Variants in MN1 observed in about 807,000 individuals in gnomAD.
MN1 encodes transcriptional activator MN1.
MN1 carries 19 observed loss-of-function variants against 86.9 expected under a neutral mutation model. The observed-to-expected ratio is 0.22, with a 90% CI of 0.15 to 0.32. MN1 has a LOEUF of 0.32. MN1 is among the 10% of genes least tolerant of loss of function. The pLI, the probability that MN1 is intolerant of heterozygous loss-of-function variation, is 1.00. For missense variants in MN1, 1,841 were observed against 1,862.0 expected, an observed-to-expected ratio of 0.99 and a Z score of 0.21; for synonymous variants, 928 against 849.6, an observed-to-expected ratio of 1.09 and a Z score of -1.60.
intron 1 of MN1, among the ~76,000 whole-genome samples, chr22:27,752,468 CTTT>C (rs1358204907): frequency 6.6e-6 from 1 of 152,162 alleles, no homozygotes; most frequent in South Asian, 2.1e-4. Context: ...CCTGAACCCT[CTTT>C]TCATTGAGTC....
At chr22:27,795,771 AT>A (rs1933283901) in intron 1 of MN1, among the ~76,000 whole-genome samples, 1 of 152,096 alleles carries the variant, frequency 6.6e-6, no homozygotes, top group Non-Finnish European at 1.5e-5. Context: ...TTAAACCTCC[AT>A]TCAGATAAAA....
chr22:27,770,729 G>A (rs889540489), intron 1 of MN1, among the ~76,000 whole-genome samples: 9 of 143,722 alleles, frequency 6.3e-5, no homozygotes, highest in African/African-American at 2.3e-4. Flanking sequence ...CGCAATCACA[G>A]CTTACTCTAG....
rs371377096 is a variant in MN1 at position 27,799,195 on chromosome 22, T to A, written c.1349A>T (p.Tyr450Phe). Residue 450 changes from tyrosine (Y) to phenylalanine (F), a missense_variant, in exon 1 of 2, where the codon TAC becomes TTC. Physicochemically the swap from Tyr to Phe is conservative, Grantham distance 22. Coordinates refer to ENST00000302326, the MANE Select transcript of MN1 (RefSeq NM_002430.3). ...QRLQHFDAPP[Y>F]MNVAKRPRFD... ...GCGCGGCCTCTTGGCCACGTTCATG[T>A]AGGGGGGCGCGTCGAAATGCTGCAG... 13 of 1,605,360 alleles carry A rather than the reference T, an allele frequency of 8.1e-6. No homozygotes were observed. In the African/African-American group the frequency reaches 1.7e-4, roughly 21 times the overall value.
At chr22:27,778,572 G>A (rs1376975124) in intron 1 of MN1, among the ~76,000 whole-genome samples, 1 of 152,228 alleles carries the variant, frequency 6.6e-6, no homozygotes, top group Non-Finnish European at 1.5e-5. Flanking sequence ...TGGGCGGAGT[G>A]CTTTTCATTA....
chr22:27,760,906 G>A (rs143268966), intron 1 of MN1, among the ~76,000 whole-genome samples: 16 of 152,268 alleles, frequency 1.1e-4, no homozygotes, highest in Admixed American at 2.6e-4. Flanking sequence ...AGGCTCAGTC[G>A]GTCACAGTGA....
intron 1 of MN1, among the ~76,000 whole-genome samples, chr22:27,776,302 G>C (rs1016983102): frequency 6.6e-6 from 1 of 152,150 alleles, no homozygotes. Context: ...TCGAGGACGC[G>C]CTGTAGTTAA....
In MN1 at chr22:27,801,229, G is replaced by A. The variant is rs938164107; in HGVS notation, c.-686C>T. Reference sequence around the variant, plus strand: ...GGCTCCGCTCGGCATCGCCGGTGCCGGCCCCCGAGCCGAGGACGCAGAGGG... The same window carrying A: ...GGCTCCGCTCGGCATCGCCGGTGCCAGCCCCCGAGCCGAGGACGCAGAGGG... On this transcript the variant is annotated 5_prime_UTR_variant, in exon 1 of 2. Transcript: ENST00000302326. The A allele has an allele frequency of 7.2e-5, 16 of 222,270 alleles. No individual in the cohort carries two copies. The highest frequency in any genetic ancestry group is 4.4e-4 in the East Asian group (7 of 15,786). 13.8% of individuals were successfully genotyped at this position (222,270 alleles called of 1,614,324 possible). A position where few individuals can be genotyped will look rare whatever the true frequency, so the allele number is the denominator to read the frequency against.
rs1277301738 is a variant in MN1 at position 27,801,729 on chromosome 22, C to G, written c.-1186G>C. 6.6e-6 allele frequency among the ~76,000 whole-genome samples: 1 copy of G among 152,218 alleles called. No individual in the cohort carries two copies. Among genetic ancestry groups the G allele is most frequent in the Non-Finnish European group, 1.5e-5 (1 of 68,034 alleles). The stretch of plus-strand genomic sequence containing the variant: ...TCGGCTCCCCTCTCTGTGTCTGCCT[C>G]TCGCCCAGCGCCGGGAGAAGCAGCA... On this transcript the variant is annotated 5_prime_UTR_variant, in exon 1 of 2. Coordinates refer to ENST00000302326, the MANE Select transcript of MN1 (RefSeq NM_002430.3).
chr22:27,798,561 G>C lies in MN1; in HGVS notation c.1983C>G (p.Pro661=), dbSNP rs754541900. 596 of 1,527,258 alleles carry C rather than the reference G, an allele frequency of 3.9e-4. No individual in the cohort carries two copies. The highest frequency in any genetic ancestry group is 4.8e-4 in the Non-Finnish European group (552 of 1,147,324). The allele number at this position is 1,527,258 out of a possible 1,614,324, so 94.6% of individuals were successfully genotyped here. ...GLPADCGPHD[P]SLAPPPPPGG... is the part of the protein sequence containing the mutation. Reference sequence around the variant, plus strand: ...CAGGCGGAGGAGGGGGCGCCAGGCTGGGGTCGTGCGGGCCACAGTCAGCGG... The same window carrying C: ...CAGGCGGAGGAGGGGGCGCCAGGCTCGGGTCGTGCGGGCCACAGTCAGCGG... Residue 661 remains proline (P), a synonymous_variant, in exon 1 of 2, where the codon CCC becomes CCG. Coordinates refer to ENST00000302326, the MANE Select transcript of MN1 (RefSeq NM_002430.3).
At chr22:27,756,445 G>A (rs935640763) in intron 1 of MN1, among the ~76,000 whole-genome samples, 3 of 152,138 alleles carry the variant, frequency 2.0e-5, no homozygotes, top group East Asian at 3.9e-4. Flanking sequence ...TCCCAGCCAC[G>A]GTTCCACCAC....
In MN1 at chr22:27,799,269, A is replaced by G; in HGVS notation, c.1275T>C (p.Pro425=). Residue 425 remains proline, a synonymous_variant, in exon 1 of 2, where the codon CCT becomes CCC. Coordinates refer to ENST00000302326, the MANE Select transcript of MN1 (RefSeq NM_002430.3). The part of the protein sequence containing the change: ...ENRSMHPYSE[P]VFSMQHPPPQ... The stretch of plus-strand genomic sequence containing the variant: ...GAGGAGGATGCTGCATGCTGAAAAC[A>G]GGCTCGGAATAAGGGTGCATGCTCC... 1 of 1,582,566 alleles carries G rather than the reference A, an allele frequency of 6.3e-7. No homozygotes were observed. Among genetic ancestry groups the G allele is most frequent in the Non-Finnish European group, 8.6e-7 (1 of 1,163,008 alleles).
In MN1 at chr22:27,798,462, C is replaced by T. The variant is rs1933351214; in HGVS notation, c.2082G>A (p.Ala694=). Residue 694 remains alanine (A), a synonymous_variant, in exon 1 of 2, where the codon GCG becomes GCA. Coordinates refer to ENST00000302326, the MANE Select transcript of MN1 (RefSeq NM_002430.3). ...MRMPGEGHVP[A]LPSPGLQFGG... Reference sequence around the variant, plus strand: ...CGAACTGCAGGCCCGGTGAAGGCAGCGCGGGCACGTGGCCCTCTCCGGGCA... The same window carrying T: ...CGAACTGCAGGCCCGGTGAAGGCAGTGCGGGCACGTGGCCCTCTCCGGGCA... The T allele has an allele frequency of 6.4e-7, 1 of 1,564,984 alleles. No homozygotes were observed. Among genetic ancestry groups the T allele is most frequent in the Non-Finnish European group, 8.6e-7 (1 of 1,164,912 alleles).
At chr22:27,794,551 C>T (rs1169624531) in intron 1 of MN1, among the ~76,000 whole-genome samples, 2 of 152,192 alleles carry the variant, frequency 1.3e-5, no homozygotes, top group African/African-American at 4.8e-5. Flanking sequence ...CCTAAAGTGA[C>T]TAGCATCTGT....
chr22:27,799,456 G>GGCGGCGGCTGCTGCT lies in MN1; in HGVS notation c.1073_1087dup (p.Gln358_Pro362dup), dbSNP rs1933388014. The GGCGGCGGCTGCTGCT allele has an allele frequency of 6.9e-7, 1 of 1,454,134 alleles. No homozygotes were observed. The highest frequency in any genetic ancestry group is 9.0e-7 in the Non-Finnish European group (1 of 1,105,426). The allele number at this position is 1,454,134 out of a possible 1,614,324, so 90.1% of individuals were successfully genotyped here. On this transcript the variant is annotated inframe_insertion, in exon 1 of 2. Coordinates refer to ENST00000302326, the MANE Select transcript of MN1 (RefSeq NM_002430.3). ...TTGTCGGACTAGAAGCCCGGGTGGCGGCGGCGGCTGCTGCTGTGGCGGCTG... is the reference window on the plus strand; with the variant it reads ...TTGTCGGACTAGAAGCCCGGGTGGCGGCGGCGGCTGCTGCTGCGGCGGCTGCTGCTGTGGCGGCTG...
At chr22:27,777,773 G>A (rs1281080336) in intron 1 of MN1, among the ~76,000 whole-genome samples, 9 of 151,870 alleles carry the variant, frequency 5.9e-5, no homozygotes, top group Non-Finnish European at 1.3e-4. Flanking sequence ...CTACCAGGGA[G>A]GCTGAGGCAA....
chr22:27,773,511 C>T (rs372418), intron 1 of MN1, among the ~76,000 whole-genome samples: 53,327 of 152,152 alleles, frequency 0.35, 9,558 homozygotes, highest in South Asian at 0.49. Context: ...ACGTGCTCGC[C>T]GCACTTAGTC....
chr22:27,798,284 G>T lies in MN1; in HGVS notation c.2260C>A (p.Gln754Lys). 1 of 1,526,504 alleles carries T rather than the reference G, an allele frequency of 6.6e-7. No homozygotes were observed. 94.6% of individuals were successfully genotyped at this position (1,526,504 alleles called of 1,614,324 possible). ...CCTGGACCGCTGTGCGGCGTGGACT[G>T]CCGGCCGGCTGCACCAAACGGAAAG... ...PGFPFGAAGRQSTPHSGPGVN... is the reference protein window; with the variant it reads ...PGFPFGAAGRKSTPHSGPGVN... The change falls in exon 1 of 2, where the codon CAG (glutamine) becomes AAG (lysine). Residue 754 changes from glutamine (Q) to lysine (K), a missense_variant. Gln to Lys is a moderately conservative substitution (Grantham distance 53). Transcript: ENST00000302326.
chr22:27,768,341 C>A (rs1187878892), intron 1 of MN1, among the ~76,000 whole-genome samples: 1 of 152,182 alleles, frequency 6.6e-6, no homozygotes. Flanking sequence ...ACCAGGCCCC[C>A]AGGGAGGCAT....
chr22:27,774,974 C>T (rs1331347174), intron 1 of MN1, among the ~76,000 whole-genome samples: 8 of 152,168 alleles, frequency 5.3e-5, no homozygotes, highest in African/African-American at 1.4e-4. Context: ...GATGGGGAGC[C>T]GGTAGGTGGG....
Sources: allele counts gnomAD v4.1 joint callset (sites outside exome capture counted in the v4.1 genomes callset), GRCh38; gene constraint gnomAD v4.1.1; transcripts MANE v1.5; gene names NCBI Gene and HGNC (gene_info 2026-07-23, HGNC 2026-07-21).